Variants in DLGAP2 observed in about 807,000 individuals in gnomAD.
DLGAP2 encodes disks large-associated protein 2.
In DLGAP2, 26 loss-of-function variants were observed where a neutral mutation model predicts 100.3. The ratio of observed to expected loss-of-function variants is 0.26; its 90% confidence interval spans 0.19 to 0.36. DLGAP2 has a LOEUF of 0.36. DLGAP2 is among the 10% of genes least tolerant of loss of function. The probability of loss-of-function intolerance (pLI) is 1.00; values close to 1 mark genes in which losing one functional copy is unlikely to be tolerated. For synonymous variants in DLGAP2, 886 were observed against 630.1 expected (o/e 1.41, Z -6.08); for missense variants, 1,858 against 1,453.2 (o/e 1.28, Z -4.53).
intron 3 of DLGAP2, among the ~76,000 whole-genome samples, chr8:1,279,606 G>T (rs1317095409): frequency 6.6e-6 from 1 of 152,210 alleles, no homozygotes; most frequent in Non-Finnish European, 1.5e-5. Flanking sequence ...GAGAGTCCAG[G>T]GTCTGGGAAT....
chr8:1,479,517 A>G (rs1799030853), intron 3 of DLGAP2, among the ~76,000 whole-genome samples: 1 of 152,164 alleles, frequency 6.6e-6, no homozygotes, highest in African/African-American at 2.4e-5. Context: ...GGGGGTGGGG[A>G]AAGTGGTGTT....
intron 3 of DLGAP2, among the ~76,000 whole-genome samples, chr8:1,463,195 G>T (rs1167252741): frequency 6.6e-6 from 1 of 152,206 alleles, no homozygotes; most frequent in Non-Finnish European, 1.5e-5. Flanking sequence ...GCTGCAGTGA[G>T]CTGAGATCAT....
At chr8:822,250 A>G in intron 1 of DLGAP2, 2 of 399,364 alleles carry the variant, frequency 5.0e-6, no homozygotes, top group Non-Finnish European at 8.8e-6. Flanking sequence ...GTCCTTACCC[A>G]GCATTTGCTT....
At chr8:1,327,228 G>C (rs1801042629) in intron 3 of DLGAP2, among the ~76,000 whole-genome samples, 1 of 152,244 alleles carries the variant, frequency 6.6e-6, no homozygotes, top group Admixed American at 6.5e-5. Flanking sequence ...TTACAGGTAA[G>C]GCTGAGCTAA....
chr8:862,307 T>G (rs1797407751), intron 1 of DLGAP2, among the ~76,000 whole-genome samples: 1 of 151,510 alleles, frequency 6.6e-6, no homozygotes. Flanking sequence ...CAGTTTTTTT[T>G]TTTTTTTTTT....
At position 884,424 on chromosome 8, in the gene DLGAP2, G is replaced by A. The variant is rs1257812998; in HGVS notation, c.19-23488G>A. Among the ~76,000 whole-genome samples the A allele has an allele frequency of 3.3e-5, 5 of 151,914 alleles. 1 individual carries two copies. Among genetic ancestry groups the A allele is most frequent in the South Asian group, 2.1e-4 (1 of 4,804 alleles). ...GAGCTTTTTTTCATGTTTGTTGGCT[G>A]TGTAAATGTCTTCTTTTGAGAAATG... is the stretch of plus-strand genomic sequence containing the variant. On this transcript the variant is annotated intron_variant, in intron 1 of 14. Transcript: ENST00000637795.
At chr8:965,519 T>C (rs1399616964) in intron 2 of DLGAP2, among the ~76,000 whole-genome samples, 9 of 86,620 alleles carry the variant, frequency 1.0e-4, no homozygotes, top group African/African-American at 2.0e-4. Flanking sequence ...GTCTGACCCC[T>C]GCGCTGCACA....
intron 5 of DLGAP2, among the ~76,000 whole-genome samples, 168 bp downstream of exon 5, chr8:1,549,851 C>T (rs1233522070): frequency 1.3e-5 from 2 of 152,228 alleles, no homozygotes; most frequent in Non-Finnish European, 2.9e-5. Flanking sequence ...TGTTAACACA[C>T]GCATTACCTT....
At chr8:1,576,409 T>G (rs1802979992) in intron 6 of DLGAP2, among the ~76,000 whole-genome samples, 1 of 152,242 alleles carries the variant, frequency 6.6e-6, no homozygotes, top group African/African-American at 2.4e-5. Flanking sequence ...TTTCTCCCAT[T>G]CTGTAGGTTG....
At chr8:1,573,568 A>G (rs987930817) in intron 6 of DLGAP2, among the ~76,000 whole-genome samples, 1 of 152,066 alleles carries the variant, frequency 6.6e-6, no homozygotes, top group African/African-American at 2.4e-5. Flanking sequence ...TGCTTAAGTT[A>G]TATTTAGTCA....
At chr8:1,430,337 A>G (rs7844201) in intron 3 of DLGAP2, among the ~76,000 whole-genome samples, 32,277 of 152,052 alleles carry the variant, frequency 0.21, 3,838 homozygotes, top group Middle Eastern at 0.29. Flanking sequence ...TCATTGCTTT[A>G]TAGAGGAACT....
chr8:1,303,396 C>G (rs1356366410), intron 3 of DLGAP2, among the ~76,000 whole-genome samples: 1 of 44,268 alleles, frequency 2.3e-5, no homozygotes, highest in African/African-American at 8.7e-5. Flanking sequence ...GACTCCGTCT[C>G]AAAAACAAAA....
chr8:1,173,196 G>T (rs1164628623), intron 2 of DLGAP2, among the ~76,000 whole-genome samples: 3 of 152,152 alleles, frequency 2.0e-5, no homozygotes, highest in African/African-American at 7.2e-5. Context: ...CAGAACAGTG[G>T]TTTTTCGTGA....
intron 2 of DLGAP2, among the ~76,000 whole-genome samples, chr8:993,787 C>CTTTTTTTTTTTTTTTTTTTTTTTTTTTT (rs534659471): frequency 1.6e-5 from 1 of 64,160 alleles, no homozygotes; most frequent in Non-Finnish European, 2.7e-5. Context: ...AACTGATTGG[C>CTTTTTTTTTTTTTTTTTTTTTTTTTTTT]TTTTTTTTTT....
chr8:1,214,543 C>A (rs1183873113), intron 2 of DLGAP2, among the ~76,000 whole-genome samples: 1 of 152,214 alleles, frequency 6.6e-6, no homozygotes, highest in African/African-American at 2.4e-5. Context: ...GAAGTCAGAT[C>A]CCAGGAGTGG....
intron 3 of DLGAP2, among the ~76,000 whole-genome samples, chr8:1,343,772 G>A (rs1286437532): frequency 6.6e-6 from 1 of 151,986 alleles, no homozygotes; most frequent in Non-Finnish European, 1.5e-5. Context: ...AAGAGGCGGG[G>A]GCAGTGCTGT....
intron 8 of DLGAP2, among the ~76,000 whole-genome samples, chr8:1,635,949 C>T (rs990791975): frequency 2.0e-5 from 3 of 152,162 alleles, no homozygotes; most frequent in African/African-American, 7.2e-5. Flanking sequence ...TTAATCTAAT[C>T]ACCAGGGAAC....
At chr8:1,366,964 C>T (rs1355334433) in intron 3 of DLGAP2, among the ~76,000 whole-genome samples, 1 of 151,834 alleles carries the variant, frequency 6.6e-6, no homozygotes, top group Non-Finnish European at 1.5e-5. Context: ...ACCCCTCCAA[C>T]ACACACGCAC....
intron 2 of DLGAP2, among the ~76,000 whole-genome samples, chr8:1,246,444 C>A (rs1432889924): frequency 6.6e-6 from 1 of 152,220 alleles, no homozygotes; most frequent in Non-Finnish European, 1.5e-5. Context: ...GCACAGGGAC[C>A]TTCTCCTCAG....
Sources: allele counts gnomAD v4.1 joint callset (sites outside exome capture counted in the v4.1 genomes callset), GRCh38; gene constraint gnomAD v4.1.1; transcripts MANE v1.5; gene names NCBI Gene and HGNC (gene_info 2026-07-23, HGNC 2026-07-21).